Variants in CNTNAP3B observed in about 807,000 individuals in gnomAD.
CNTNAP3B encodes contactin associated protein family member 3B.
A neutral mutation model predicts 108.9 loss-of-function variants in CNTNAP3B; 25 were observed. That is an observed-to-expected ratio of 0.23 (90% CI 0.17 to 0.32). The LOEUF is 0.32. Ranked by LOEUF, CNTNAP3B falls within the 10% of genes least tolerant of loss-of-function variation. The pLI is 1.00. For missense variants in CNTNAP3B, 252 were observed against 1,210.4 expected (o/e 0.21, Z 11.75); for synonymous variants, 103 against 473.4 (o/e 0.22, Z 10.16).
chr9:41,968,133 C>A (rs1229608609), intron 10 of CNTNAP3B, among the ~76,000 whole-genome samples: 1 of 152,094 alleles, frequency 6.6e-6, no homozygotes. Flanking sequence ...TGAAAAGAGG[C>A]AGCCTCACAA....
chr9:42,079,254 G>A (rs1827561147), intron 2 of CNTNAP3B, among the ~76,000 whole-genome samples: 1 of 113,474 alleles, frequency 8.8e-6, no homozygotes, highest in African/African-American at 3.6e-5. Context: ...CATGCAGCAG[G>A]GCAACCTCTC....
chr9:41,952,421 T>C (rs1159300994), intron 13 of CNTNAP3B, among the ~76,000 whole-genome samples: 1 of 152,214 alleles, frequency 6.6e-6, no homozygotes, highest in African/African-American at 2.4e-5. Flanking sequence ...ACTAAAAAAA[T>C]GAAAGGTAAA....
In CNTNAP3B at chr9:42,036,743, G is replaced by C. The variant is rs1826640259; in HGVS notation, c.391-23218C>G. Among the ~76,000 whole-genome samples the C allele has an allele frequency of 1.4e-5, 2 of 138,726 alleles. 1 individual carries two copies. The highest frequency in any genetic ancestry group is 1.4e-4 in the Admixed American group (2 of 13,908). 91.0% of individuals were successfully genotyped at this position (138,726 alleles called of 152,430 possible). On this transcript the variant is annotated intron_variant, in intron 3 of 23. Coordinates refer to ENST00000377561, the MANE Select transcript of CNTNAP3B (RefSeq NM_001201380.3). Reference sequence around the variant, plus strand: ...TTTGAGATCTGAGAATGTACAGACTGCCTCCACAAGTGGGTCCCTGACCCC... The same window carrying C: ...TTTGAGATCTGAGAATGTACAGACTCCCTCCACAAGTGGGTCCCTGACCCC...
chr9:41,947,507 C>T lies in CNTNAP3B; in HGVS notation c.2080+5676G>A, dbSNP rs1225360835. Among the ~76,000 whole-genome samples the T allele has an allele frequency of 2.2e-4, 33 of 152,230 alleles. No homozygotes were observed. The South Asian group carries it at 6.4e-3, about 30-fold the overall frequency. On this transcript the variant is annotated intron_variant, in intron 13 of 23. Coordinates refer to ENST00000377561, the MANE Select transcript of CNTNAP3B (RefSeq NM_001201380.3). ...GAAAAACTAAATGAAAATGAGAATA[C>T]AACATATCAAAATATGTGAAATGTA...
At chr9:41,956,112 C>T (rs1198545979) in intron 12 of CNTNAP3B, among the ~76,000 whole-genome samples, 5 of 152,338 alleles carry the variant, frequency 3.3e-5, no homozygotes, top group Middle Eastern at 3.4e-3. Flanking sequence ...TGTGGCCAGG[C>T]GTGGTGGCTC....
At chr9:42,066,541 C>T (rs1330926735) in intron 3 of CNTNAP3B, among the ~76,000 whole-genome samples, 1 of 122,546 alleles carries the variant, frequency 8.2e-6, no homozygotes, top group African/African-American at 3.4e-5. Context: ...ATTCTCCTGA[C>T]TCAGCCTTCC....
intron 2 of CNTNAP3B, among the ~76,000 whole-genome samples, chr9:42,101,884 C>A (rs1256851875): frequency 9.6e-6 from 1 of 103,678 alleles, no homozygotes; most frequent in East Asian, 4.0e-4. Flanking sequence ...TGGTGAAACC[C>A]CTTCTCTACT....
chr9:41,924,645 G>GCACACA (rs200851620), intron 15 of CNTNAP3B, among the ~76,000 whole-genome samples: 80 of 135,068 alleles, frequency 5.9e-4, no homozygotes, highest in African/African-American at 6.8e-4. Context: ...TTTCCTTCCT[G>GCACACA]CACACACACA....
At position 41,997,599 on chromosome 9, in the gene CNTNAP3B, C is replaced by A; in HGVS notation, c.896G>T (p.Gly299Val). 1.2e-6 allele frequency: 2 copies of A among 1,611,514 alleles called. No individual in the cohort carries two copies. Among genetic ancestry groups the A allele is most frequent in the Non-Finnish European group, 1.7e-6 (2 of 1,179,332 alleles). Residue 299 changes from glycine (G) to valine (V), a missense_variant, in exon 6 of 24, where the codon GGA becomes GTA. Gly to Val is a moderately radical substitution (Grantham distance 109, BLOSUM62 -3). Coordinates refer to ENST00000377561, the MANE Select transcript of CNTNAP3B (RefSeq NM_001201380.3). ...ATTAAGATCCAAGTTACTGGAATCT[C>A]CCTTTGCTTGGAAATGATGAGTGTG... Reference protein sequence around the residue: ...DKHTHHFQAKGDSSNLDLNFE... With the variant: ...DKHTHHFQAKVDSSNLDLNFE...
chr9:41,930,268 C>A (rs1823938788), intron 14 of CNTNAP3B, among the ~76,000 whole-genome samples: 1 of 152,232 alleles, frequency 6.6e-6, no homozygotes, highest in Non-Finnish European at 1.5e-5. Flanking sequence ...ACAGGCCGGG[C>A]ACAGTGGCTC....
intron 2 of CNTNAP3B, among the ~76,000 whole-genome samples, chr9:42,085,915 C>A (rs1473263136): frequency 2.1e-5 from 3 of 145,154 alleles, no homozygotes; most frequent in African/African-American, 8.0e-5. Flanking sequence ...AAATAGCAAC[C>A]AGTTCAATGA....
intron 1 of CNTNAP3B, among the ~76,000 whole-genome samples, chr9:42,128,177 GT>G (rs201604855): frequency 0.01 from 1,448 of 139,528 alleles, 320 homozygotes; most frequent in African/African-American, 0.039. Context: ...GCAATGTTGT[GT>G]AAACATTTTT....
chr9:41,950,822 G>A (rs1239162333), intron 13 of CNTNAP3B, among the ~76,000 whole-genome samples: 3 of 135,100 alleles, frequency 2.2e-5, no homozygotes, highest in East Asian at 2.4e-4. Context: ...GTGCAGTGGC[G>A]CCATCTCGGC....
At position 42,113,998 on chromosome 9, in the gene CNTNAP3B, G is replaced by C. The variant is rs1587282550; in HGVS notation, c.86-9259C>G. On this transcript the variant is annotated intron_variant, in intron 1 of 23. Coordinates refer to ENST00000377561, the MANE Select transcript of CNTNAP3B (RefSeq NM_001201380.3). ...TTCTTTCTATGCACCTCTGAGAGTT[G>C]ACAGAATTAGGGTCTGAATGAGAAT... Among the ~76,000 whole-genome samples, 4 of 127,778 alleles carry C rather than the reference G, an allele frequency of 3.1e-5. 1 individual carries two copies. Among genetic ancestry groups the C allele is most frequent in the African/African-American group, 1.3e-4 (4 of 30,880 alleles). The allele number at this position is 127,778 out of a possible 152,430, so 83.8% of individuals were successfully genotyped here.
At chr9:41,914,440 TATTTTATC>T in intron 18 of CNTNAP3B, among the ~76,000 whole-genome samples, 1 of 151,624 alleles carries the variant, frequency 6.6e-6, no homozygotes, top group Non-Finnish European at 1.5e-5. Context: ...AATTTGCAAA[TATTTTATC>T]ACATTCTGTG....
intron 13 of CNTNAP3B, among the ~76,000 whole-genome samples, chr9:41,941,968 C>G (rs965348468): frequency 3.3e-5 from 5 of 152,272 alleles, no homozygotes; most frequent in Non-Finnish European, 7.3e-5. Flanking sequence ...TTGAAATAAG[C>G]GCTGAACATT....
intron 14 of CNTNAP3B, among the ~76,000 whole-genome samples, chr9:41,931,593 C>T (rs534193801): frequency 0.015 from 2,255 of 151,122 alleles, 2 homozygotes; most frequent in Non-Finnish European, 0.023. Context: ...GACTAAAACC[C>T]TGTTGCTTTA....
At position 41,971,009 on chromosome 9, in the gene CNTNAP3B, C is replaced by T. The variant is rs1251519261; in HGVS notation, c.1478-764G>A. ...AGATAAAATAGACATTTGATTATTT[C>T]CAATATTAGAAGTTAAATATTAAAA... On this transcript the variant is annotated intron_variant, in intron 9 of 23. Transcript: ENST00000377561. Among the ~76,000 whole-genome samples, 44 of 151,282 alleles carry T rather than the reference C, an allele frequency of 2.9e-4. No individual in the cohort carries two copies. The East Asian group carries it at 7.4e-3, about 25-fold the overall frequency.
intron 9 of CNTNAP3B, among the ~76,000 whole-genome samples, chr9:41,977,830 A>G (rs1213005792): frequency 3.8e-5 from 5 of 132,402 alleles, no homozygotes; most frequent in Non-Finnish European, 7.9e-5. Context: ...ACGGGGTTTC[A>G]CCGTGTTAGC....
Sources: gnomAD v4.1 joint callset for allele counts (sites outside exome capture counted in the v4.1 genomes callset) on GRCh38, gnomAD v4.1.1 for gene constraint, MANE v1.5 for transcripts, NCBI Gene and HGNC (gene_info 2026-07-23, HGNC 2026-07-21) for gene names.